NLRP9: variants seen among roughly 807,000 people sequenced by gnomAD.
NLRP9 encodes the protein NACHT, LRR and PYD domains-containing protein 9.
In NLRP9, 88 loss-of-function variants were observed where a neutral mutation model predicts 83.1. That is an observed-to-expected ratio of 1.06 (90% CI 0.89 to 1.26). The LOEUF (loss-of-function observed/expected upper bound fraction) is 1.26. NLRP9 is among the 50% of genes most tolerant of loss of function. The probability of loss-of-function intolerance (pLI) is 0.00; values close to 1 mark genes in which losing one functional copy is unlikely to be tolerated. For missense variants in NLRP9, 1,308 were observed against 1,179.3 expected (o/e 1.11, Z -1.60); for synonymous variants, 521 against 447.6 (o/e 1.16, Z -2.07).
chr19:55,733,919 ATTTTTTTTTTT>A (rs765779528), intron 1 of NLRP9, among the ~76,000 whole-genome samples: 1 of 117,872 alleles, frequency 8.5e-6, no homozygotes, highest in Non-Finnish European at 1.7e-5. Context: ...TGTCAACCAA[ATTTTTTTTTTT>A]TTTTTTTTTT....
rs544208058 is a variant in NLRP9, at chr19:55,723,863, A to G, written c.2159+117T>C. On this transcript the variant is annotated intron_variant, in intron 4 of 8. Transcript: ENST00000332836. ...ATGAGAGAGACAGATTCAAAAGATG[A>G]AAAACAAGAGAGATGAAGGCTGATG... The G allele has an allele frequency of 5.2e-6, 4 of 766,942 alleles. No homozygotes were observed. In the East Asian group the frequency reaches 7.6e-5, roughly 15 times the overall value. The allele number at this position is 766,942 out of a possible 1,614,324, so 47.5% of individuals were successfully genotyped here. A position where few individuals can be genotyped will look rare whatever the true frequency, so the allele number is the denominator to read the frequency against.
intron 8 of NLRP9, chr19:55,711,402 T>G: frequency 3.9e-6 from 5 of 1,267,700 alleles, no homozygotes; most frequent in Non-Finnish European, 5.1e-6. Flanking sequence ...AATGTATTTC[T>G]GAATCAAGAC....
chr19:55,729,867 G>A lies in NLRP9; in HGVS notation c.1958C>T (p.Ala653Val), dbSNP rs763450957. ...GAGTTTACAAACAGGCTGAGCCAGCGCTTTGCAAAGAATCGCCAGGGAGGG... is the reference window on the plus strand; with the variant it reads ...GAGTTTACAAACAGGCTGAGCCAGCACTTTGCAAAGAATCGCCAGGGAGGG... ...DDPSLAILCK[A>V]LAQPVCKLRK... The change falls in exon 3 of 9, where the codon GCG (alanine) becomes GTG (valine). Residue 653 changes from alanine (A) to valine (V), a missense_variant. By Grantham distance (64) the Ala-to-Val change is moderately conservative. Coordinates refer to ENST00000332836, the MANE Select transcript of NLRP9 (RefSeq NM_176820.4). 1.5e-5 allele frequency: 24 copies of A among 1,613,568 alleles called. No individual in the cohort carries two copies. Among genetic ancestry groups the A allele is most frequent in the Admixed American group, 3.3e-5 (2 of 59,960 alleles).
At position 55,716,780 on chromosome 19, in the gene NLRP9, T is replaced by C; in HGVS notation, c.2278A>G (p.Thr760Ala). 6.2e-7 allele frequency: 1 copy of C among 1,613,954 alleles called. No homozygotes were observed. Among genetic ancestry groups the C allele is most frequent in the Middle Eastern group, 1.7e-4 (1 of 6,058 alleles). Reference protein sequence around the residue: ...VENPLRDEGMTLLCEALKHSH... With the variant: ...VENPLRDEGMALLCEALKHSH... Reference sequence around the variant, plus strand: ...TGCTTCAGGGCTTCACACAGCAACGTCATTCCTTCGTCCCTCAAGGGATTT... The same window carrying C: ...TGCTTCAGGGCTTCACACAGCAACGCCATTCCTTCGTCCCTCAAGGGATTT... Residue 760 changes from threonine (T) to alanine (A), a missense_variant, in exon 5 of 9, where the codon ACG (threonine) becomes GCG (alanine). Coordinates refer to ENST00000332836, the MANE Select transcript of NLRP9 (RefSeq NM_176820.4).
At chr19:55,726,622 T>C (rs1339601707) in intron 3 of NLRP9, among the ~76,000 whole-genome samples, 1 of 152,206 alleles carries the variant, frequency 6.6e-6, no homozygotes, top group East Asian at 1.9e-4. Context: ...ATTATCACTT[T>C]TTCTCAAGTA....
chr19:55,711,108 C>CAAAAAAA (rs568342962), intron 8 of NLRP9, among the ~76,000 whole-genome samples: 5 of 144,760 alleles, frequency 3.5e-5, no homozygotes, highest in Non-Finnish European at 4.6e-5. Context: ...CAAAACAAAA[C>CAAAAAAA]AAAAAAAAAA....
In NLRP9 at chr19:55,732,592, C is replaced by G. The variant is rs575027085; in HGVS notation, c.1239G>C (p.Gly413=). The G allele has an allele frequency of 2.5e-6, 4 of 1,614,090 alleles. No individual in the cohort carries two copies. The highest frequency in any genetic ancestry group is 2.2e-5 in the South Asian group (2 of 91,086). Reference sequence around the variant, plus strand: ...CAGATAACCCATTCCTCCGGAGATCCCCATGGGAAAATACAAATGTATATG... The same window carrying G: ...CAGATAACCCATTCCTCCGGAGATCGCCATGGGAAAATACAAATGTATATG... ...IWTYTFVFSH[G]DLRRNGLSES... Residue 413 remains glycine, a synonymous_variant, in exon 2 of 9, where the codon GGG becomes GGC. Transcript: ENST00000332836.
intron 4 of NLRP9, among the ~76,000 whole-genome samples, chr19:55,717,373 C>T (rs116675666): frequency 1.1e-3 from 161 of 152,296 alleles, no homozygotes; most frequent in African/African-American, 3.7e-3. Context: ...AATGACATGA[C>T]TCCCTCATTA....
intron 1 of NLRP9, 30 bp from the exon 2 acceptor site, chr19:55,733,580 G>C: frequency 1.6e-6 from 2 of 1,227,270 alleles, no homozygotes; most frequent in Non-Finnish European, 2.3e-6. Flanking sequence ...ATATAAGATA[G>C]GTAAAAATGC....
chr19:55,734,553 GCACA>G (rs980819642), intron 1 of NLRP9, among the ~76,000 whole-genome samples: 4 of 138,442 alleles, frequency 2.9e-5, no homozygotes, highest in Non-Finnish European at 6.3e-5. Flanking sequence ...ACATATATAC[GCACA>G]CACATATATA....
At chr19:55,727,539 C>CAT (rs1393177495) in intron 3 of NLRP9, among the ~76,000 whole-genome samples, 3 of 152,160 alleles carry the variant, frequency 2.0e-5, no homozygotes, top group African/African-American at 4.8e-5. Context: ...GTATCCCTCA[C>CAT]ATATCCCATT....
At chr19:55,730,117 A>T (rs1269759061) in intron 2 of NLRP9, 125 bp from the exon 3 acceptor site, 1 of 807,884 alleles carries the variant, frequency 1.2e-6, no homozygotes, top group African/African-American at 1.7e-5. Flanking sequence ...GAACAGGGAG[A>T]AGGTCAGCCA....
intron 4 of NLRP9, among the ~76,000 whole-genome samples, chr19:55,720,466 A>T (rs925595616): frequency 6.6e-6 from 1 of 152,146 alleles, no homozygotes; most frequent in African/African-American, 2.4e-5. Flanking sequence ...AGCCGTGACT[A>T]CAGGCATCCA....
At chr19:55,729,769 G>A in intron 3 of NLRP9, 62 bp downstream of exon 3, 1 of 1,399,342 alleles carries the variant, frequency 7.1e-7, no homozygotes, top group Non-Finnish European at 9.8e-7. Context: ...TTCCAAAAAG[G>A]CCACAGTAGA....
chr19:55,709,246 A>G (rs186622239), intron 8 of NLRP9: 2 of 379,172 alleles, frequency 5.3e-6, no homozygotes, highest in South Asian at 6.9e-5. Context: ...GTGAAATTTC[A>G]TATACAGGAT....
In NLRP9 at chr19:55,733,492, C is replaced by T. The variant is rs1279429651; in HGVS notation, c.339G>A (p.Lys113=). 1 of 1,612,482 alleles carries T rather than the reference C, an allele frequency of 6.2e-7. No individual in the cohort carries two copies. Among genetic ancestry groups the T allele is most frequent in the Admixed American group, 1.7e-5 (1 of 59,738 alleles). ...MKETFQLIWE[K]ETCLHVPEHF... ...GCTCAGGGACGTGAAGACAGGTTTC[C>T]TTCTCCCATATGAGTTGAAATGTTT... Residue 113 remains lysine (K), a synonymous_variant, in exon 2 of 9, where the codon AAG becomes AAA. Transcript: ENST00000332836.
chr19:55,718,428 T>G (rs188191573), intron 4 of NLRP9, among the ~76,000 whole-genome samples: 1 of 152,216 alleles, frequency 6.6e-6, no homozygotes, highest in Admixed American at 6.5e-5. Context: ...GGTGTAAAGC[T>G]GACCATTCCC....
chr19:55,736,435 T>C (rs1233803566), intron 1 of NLRP9, among the ~76,000 whole-genome samples: 3 of 151,634 alleles, frequency 2.0e-5, no homozygotes, highest in African/African-American at 4.8e-5. Flanking sequence ...TTTTATAACA[T>C]TTAGGACCTC....
At chr19:55,722,864 G>A (rs1217585489) in intron 4 of NLRP9, among the ~76,000 whole-genome samples, 5 of 152,064 alleles carry the variant, frequency 3.3e-5, no homozygotes, top group Non-Finnish European at 5.9e-5. Context: ...GGATGAAACC[G>A]GAAACCATCA....
Sources: allele counts gnomAD v4.1 joint callset (sites outside exome capture counted in the v4.1 genomes callset), GRCh38; gene constraint gnomAD v4.1.1; transcripts MANE v1.5; gene names NCBI Gene and HGNC (gene_info 2026-07-23, HGNC 2026-07-21).